The following SLIT3 variants were observed in gnomAD, a reference collection of about 807,000 sequenced individuals.
SLIT3 encodes the protein slit homolog 3 protein.
A neutral mutation model predicts 184.0 loss-of-function variants in SLIT3; 68 were observed. The ratio of observed to expected loss-of-function variants is 0.37; its 90% confidence interval spans 0.30 to 0.45. SLIT3 has a LOEUF of 0.45. Ranked by LOEUF, SLIT3 falls within the 20% of genes least tolerant of loss-of-function variation. SLIT3 has a pLI of 1.00. For synonymous variants in SLIT3, 831 were observed against 828.6 expected (o/e 1.00, Z -0.05); for missense variants, 1,707 against 2,026.0 (o/e 0.84, Z 3.02).
intron 4 of SLIT3, among the ~76,000 whole-genome samples, chr5:169,042,350 C>A (rs1757473371): frequency 6.6e-6 from 1 of 152,170 alleles, no homozygotes. Flanking sequence ...AAGGACTGTT[C>A]TATATAACAA....
At chr5:168,899,961 C>T (rs771120952) in intron 4 of SLIT3, among the ~76,000 whole-genome samples, 4 of 151,976 alleles carry the variant, frequency 2.6e-5, no homozygotes, top group Non-Finnish European at 5.9e-5. Context: ...ACAGAGGCCC[C>T]GGGAAAAGAG....
chr5:169,226,460 G>A (rs1292022367), intron 3 of SLIT3, among the ~76,000 whole-genome samples: 3 of 152,088 alleles, frequency 2.0e-5, no homozygotes, highest in Admixed American at 2.0e-4. Flanking sequence ...ACACTAAGAG[G>A]GGCCTGAGCT....
At chr5:168,907,368 G>A (rs769403710) in intron 4 of SLIT3, among the ~76,000 whole-genome samples, 5 of 152,146 alleles carry the variant, frequency 3.3e-5, no homozygotes, top group Non-Finnish European at 7.3e-5. Context: ...CTTCCACGTT[G>A]CTGGTTGATT....
chr5:168,940,638 A>G (rs1396552659), intron 4 of SLIT3, among the ~76,000 whole-genome samples: 1 of 152,144 alleles, frequency 6.6e-6, no homozygotes, highest in Non-Finnish European at 1.5e-5. Context: ...CCCAACTTGG[A>G]GATGTGAAAT....
At chr5:169,036,262 C>T (rs954307613) in intron 4 of SLIT3, 1 of 152,132 alleles carries the variant, frequency 6.6e-6, no homozygotes, top group Non-Finnish European at 1.5e-5. Context: ...TTCGTGGGAT[C>T]CAGTTACACC....
chr5:169,059,099 G>A (rs1261177779), intron 4 of SLIT3, among the ~76,000 whole-genome samples: 1 of 152,124 alleles, frequency 6.6e-6, no homozygotes, highest in Admixed American at 6.6e-5. Context: ...TCCTTCAGCT[G>A]GTGCCAAGGG....
At chr5:169,241,714 T>C (rs577032944) in intron 3 of SLIT3, among the ~76,000 whole-genome samples, 191 of 152,252 alleles carry the variant, frequency 1.3e-3, no homozygotes, top group African/African-American at 4.1e-3. Context: ...AGTCATGGTT[T>C]TGGGAAGAAA....
At chr5:169,266,168 T>C (rs1258887323) in intron 1 of SLIT3, among the ~76,000 whole-genome samples, 2 of 152,134 alleles carry the variant, frequency 1.3e-5, no homozygotes, top group African/African-American at 4.8e-5. Flanking sequence ...TCAAAACACT[T>C]CCCTGCACTG....
intron 14 of SLIT3, among the ~76,000 whole-genome samples, chr5:168,767,250 G>C (rs955400792): frequency 6.6e-5 from 10 of 152,164 alleles, no homozygotes; most frequent in African/African-American, 2.2e-4. Context: ...CCTCATGATG[G>C]GGGCCCAGGG....
chr5:168,857,039 C>T (rs1758907881), intron 5 of SLIT3, among the ~76,000 whole-genome samples: 2 of 151,936 alleles, frequency 1.3e-5, no homozygotes, highest in South Asian at 4.2e-4. Flanking sequence ...TCTAAATTCT[C>T]CCAGGACTCT....
At chr5:169,275,811 A>C (rs141401265) in intron 1 of SLIT3, among the ~76,000 whole-genome samples, 1 of 152,218 alleles carries the variant, frequency 6.6e-6, no homozygotes, top group Non-Finnish European at 1.5e-5. Flanking sequence ...TGAAGTTGAG[A>C]TTTGAATGGG....
intron 9 of SLIT3, among the ~76,000 whole-genome samples, chr5:168,803,496 G>C (rs529163553): frequency 3.3e-5 from 5 of 152,216 alleles, no homozygotes; most frequent in Non-Finnish European, 5.9e-5. Context: ...GGCCTGCACA[G>C]AGCCCACCTC....
chr5:168,750,670 A>G (rs1754662856), intron 18 of SLIT3, among the ~76,000 whole-genome samples: 1 of 152,122 alleles, frequency 6.6e-6, no homozygotes, highest in Non-Finnish European at 1.5e-5. Flanking sequence ...GGGGCTAAAT[A>G]TGGACTAAAA....
chr5:168,710,836 C>G (rs1404538565), intron 25 of SLIT3, 59 bp downstream of exon 25: 11 of 1,360,442 alleles, frequency 8.1e-6, no homozygotes, highest in Non-Finnish European at 9.6e-6. Flanking sequence ...TGACAGGTTG[C>G]TGGGAACACA....
chr5:169,276,604 C>G (rs1766816493), intron 1 of SLIT3, among the ~76,000 whole-genome samples: 1 of 152,226 alleles, frequency 6.6e-6, no homozygotes, highest in Non-Finnish European at 1.5e-5. Flanking sequence ...TTACCTCCAG[C>G]TGACTCTACC....
At chr5:169,163,311 G>GA (rs966576686) in intron 4 of SLIT3, among the ~76,000 whole-genome samples, 2 of 151,456 alleles carry the variant, frequency 1.3e-5, no homozygotes, top group African/African-American at 2.4e-5. Context: ...ACCGTGCGAG[G>GA]AAAAAAAAGG....
intron 4 of SLIT3, among the ~76,000 whole-genome samples, chr5:169,142,573 G>A (rs1317163346): frequency 6.6e-6 from 1 of 152,232 alleles, no homozygotes; most frequent in Non-Finnish European, 1.5e-5. Context: ...TAGGTTCCAA[G>A]TCAAACTATG....
At chr5:169,124,204 C>T (rs368071151) in intron 4 of SLIT3, among the ~76,000 whole-genome samples, 7 of 152,176 alleles carry the variant, frequency 4.6e-5, no homozygotes, top group Non-Finnish European at 8.8e-5. Flanking sequence ...TAGGAATAGA[C>T]TGAATGGCAG....
At chr5:168,986,146 T>A (rs144382618) in intron 4 of SLIT3, among the ~76,000 whole-genome samples, 1 of 152,284 alleles carries the variant, frequency 6.6e-6, no homozygotes, top group African/African-American at 2.4e-5. Context: ...TACCTCATAC[T>A]TTTCAGTTCT....
Sources: gnomAD v4.1 joint callset for allele counts (sites outside exome capture counted in the v4.1 genomes callset) on GRCh38, gnomAD v4.1.1 for gene constraint, MANE v1.5 for transcripts, NCBI Gene and HGNC (gene_info 2026-07-23, HGNC 2026-07-21) for gene names.